Variants in PRKCH observed in about 807,000 individuals in gnomAD.
The protein encoded by PRKCH is protein kinase C eta type.
PRKCH carries 28 observed loss-of-function variants against 82.5 expected under a neutral mutation model. The observed-to-expected ratio is 0.34, with a 90% CI of 0.25 to 0.47. The LOEUF is 0.47. Among genes scored for constraint, PRKCH ranks in the 20% least tolerant of loss-of-function variants. The pLI is 1.00. For synonymous variants in PRKCH, 322 were observed against 327.4 expected, an observed-to-expected ratio of 0.98 and a Z score of 0.18; for missense variants, 705 against 881.8, an observed-to-expected ratio of 0.80 and a Z score of 2.54.
intron 1 of PRKCH, among the ~76,000 whole-genome samples, chr14:61,360,631 G>A (rs1050819307): frequency 3.3e-5 from 5 of 152,182 alleles, no homozygotes; most frequent in African/African-American, 7.2e-5. Flanking sequence ...GATTTGTATC[G>A]TTGGATAATA....
At chr14:61,377,686 T>C (rs565160343) in intron 1 of PRKCH, among the ~76,000 whole-genome samples, 113 of 152,338 alleles carry the variant, frequency 7.4e-4, no homozygotes, top group Non-Finnish European at 1.4e-3. Flanking sequence ...CATTGGCCTT[T>C]GGGCTGCTGT....
At chr14:61,322,525 C>A in intron 1 of PRKCH, 61 bp downstream of exon 1, 1 of 1,526,124 alleles carries the variant, frequency 6.6e-7, no homozygotes. Flanking sequence ...TTATGTTTTT[C>A]AAAACTCACC....
chr14:61,391,378 G>C (rs1376293865), intron 2 of PRKCH, 90 bp downstream of exon 2: 1 of 1,180,802 alleles, frequency 8.5e-7, no homozygotes, highest in African/African-American at 1.6e-5. Context: ...ATAAAAAAGA[G>C]CATGTTGTAA....
intron 1 of PRKCH, among the ~76,000 whole-genome samples, chr14:61,289,967 CAGA>C (rs2045346344): frequency 6.6e-6 from 1 of 152,018 alleles, no homozygotes; most frequent in African/African-American, 2.4e-5. Flanking sequence ...GCCATTAGCT[CAGA>C]AGAACTTTAA....
chr14:61,390,241 G>A (rs920625074), intron 1 of PRKCH, among the ~76,000 whole-genome samples: 5 of 152,164 alleles, frequency 3.3e-5, no homozygotes, highest in Admixed American at 1.3e-4. Context: ...ATGCTGTATG[G>A]GGTCTTTCGG....
chr14:61,362,107 C>T (rs915297382), intron 1 of PRKCH, among the ~76,000 whole-genome samples: 2 of 152,056 alleles, frequency 1.3e-5, no homozygotes, highest in East Asian at 1.9e-4. Context: ...GAGGCTGAAG[C>T]GGGAGGATTG....
At chr14:61,347,800 A>G (rs2140144571) in intron 1 of PRKCH, 1 of 152,616 alleles carries the variant, frequency 6.6e-6, no homozygotes, top group South Asian at 2.1e-4. Flanking sequence ...CACCATGAGC[A>G]TTGACTTCAT....
chr14:61,513,749 T>C (rs2042781725), intron 10 of PRKCH, among the ~76,000 whole-genome samples: 1 of 152,100 alleles, frequency 6.6e-6, no homozygotes, highest in African/African-American at 2.4e-5. Flanking sequence ...TCAAATAGTT[T>C]CGAAAAACTC....
At chr14:61,223,536 A>G (rs377376221) in intron 1 of PRKCH, among the ~76,000 whole-genome samples, 2 of 151,684 alleles carry the variant, frequency 1.3e-5, no homozygotes, top group East Asian at 3.9e-4. Flanking sequence ...CTTCTCTCTA[A>G]CCCCTGCCCT....
At chr14:61,281,300 C>T (rs2045263865) in intron 1 of PRKCH, 1 of 397,894 alleles carries the variant, frequency 2.5e-6, no homozygotes, top group East Asian at 4.2e-5. Flanking sequence ...TCCTCTGCCT[C>T]CGTCACAGGT....
chr14:61,252,832 T>G (rs868444481), intron 1 of PRKCH, among the ~76,000 whole-genome samples: 4 of 152,196 alleles, frequency 2.6e-5, no homozygotes, highest in Middle Eastern at 3.2e-3. Context: ...CACAGATTCT[T>G]TTCTCCTTAG....
At chr14:61,456,143 C>A (rs1884756793) in intron 7 of PRKCH, among the ~76,000 whole-genome samples, 1 of 152,182 alleles carries the variant, frequency 6.6e-6, no homozygotes, top group Non-Finnish European at 1.5e-5. Flanking sequence ...TGCATTTGTT[C>A]ATTTAGGCCT....
At chr14:61,253,920 G>T (rs996469102) in intron 1 of PRKCH, among the ~76,000 whole-genome samples, 1 of 151,644 alleles carries the variant, frequency 6.6e-6, no homozygotes. Context: ...TTAAAGGTGA[G>T]GTAAACACGT....
intron 2 of PRKCH, among the ~76,000 whole-genome samples, chr14:61,397,042 G>T (rs1471817011): frequency 6.6e-6 from 1 of 152,216 alleles, no homozygotes; most frequent in Non-Finnish European, 1.5e-5. Flanking sequence ...TGGGGAAGGG[G>T]TGTTAGTTGA....
At chr14:61,521,988 AT>A (rs1168787977) in intron 10 of PRKCH, among the ~76,000 whole-genome samples, 1 of 152,078 alleles carries the variant, frequency 6.6e-6, no homozygotes, top group Non-Finnish European at 1.5e-5. Flanking sequence ...TGACTCTCAA[AT>A]TTATAGCTCC....
intron 1 of PRKCH, among the ~76,000 whole-genome samples, chr14:61,371,261 T>C (rs2046361575): frequency 6.6e-6 from 1 of 152,086 alleles, no homozygotes; most frequent in Non-Finnish European, 1.5e-5. Context: ...ATTATTAATG[T>C]CTTAGGTTAG....
chr14:61,284,015 A>C (rs1435375857), intron 1 of PRKCH, among the ~76,000 whole-genome samples: 1 of 152,204 alleles, frequency 6.6e-6, no homozygotes, highest in Non-Finnish European at 1.5e-5. Context: ...AAAAGATAAT[A>C]GTGCAGATGA....
In PRKCH at chr14:61,280,634, C is replaced by T; in HGVS notation, c.-19+92966C>T. On this transcript the variant is annotated intron_variant, in intron 1 of 3. Coordinates refer to the PRKCH transcript ENST00000555185. This position sits in a 1 kb window ranked among gnomAD's most constrained non-coding sequence, Gnocchi z 5.0. ...CGCTGGTGCCAAAGCGAGAAGGAGT[C>T]GTTGAAGAGGCTGTTGGCGATGGCG... is the stretch of plus-strand genomic sequence containing the variant. The T allele has an allele frequency of 6.3e-7, 1 of 1,575,426 alleles. No individual in the cohort carries two copies.
chr14:61,479,489 G>A (rs1885873261), intron 9 of PRKCH, among the ~76,000 whole-genome samples: 1 of 152,106 alleles, frequency 6.6e-6, no homozygotes, highest in Non-Finnish European at 1.5e-5. Flanking sequence ...GACCTTACAG[G>A]ATCTTGCCCT....
Sources: allele counts gnomAD v4.1 joint callset (sites outside exome capture counted in the v4.1 genomes callset), GRCh38; gene constraint gnomAD v4.1.1; non-coding constraint Gnocchi (gnomAD v3.1); transcripts MANE v1.5; gene names NCBI Gene and HGNC (gene_info 2026-07-23, HGNC 2026-07-21).